Variants in NLGN1 observed in about 807,000 individuals in gnomAD.
The protein encoded by NLGN1 is neuroligin-1.
Under a neutral mutation model 65.5 loss-of-function variants are expected in NLGN1, and 12 were observed. The ratio of observed to expected loss-of-function variants is 0.18; its 90% CI spans 0.12 to 0.30. The LOEUF is 0.30. Among genes scored for constraint, NLGN1 ranks in the 10% least tolerant of loss-of-function variants. NLGN1 has a pLI of 1.00. For missense variants in NLGN1, 750 were observed against 1,007.1 expected (o/e 0.74, Z 3.46); for synonymous variants, 350 against 359.5 (o/e 0.97, Z 0.30).
chr3:173,996,492 C>G (rs923334810), intron 4 of NLGN1, among the ~76,000 whole-genome samples: 1 of 152,072 alleles, frequency 6.6e-6, no homozygotes, highest in African/African-American at 2.4e-5. Flanking sequence ...TTTGAGAAAC[C>G]ATTGCCTTAA....
intron 2 of NLGN1, among the ~76,000 whole-genome samples, chr3:173,479,894 TAA>T (rs1163889791): frequency 6.6e-6 from 1 of 152,124 alleles, no homozygotes; most frequent in Non-Finnish European, 1.5e-5. Flanking sequence ...TGTAGAGTTG[TAA>T]AGTAGAAAGA....
At chr3:173,965,944 A>G (rs1187746238) in intron 4 of NLGN1, among the ~76,000 whole-genome samples, 1 of 152,158 alleles carries the variant, frequency 6.6e-6, no homozygotes, top group African/African-American at 2.4e-5. Context: ...GTTTGTGTGT[A>G]CATTTTGTGG....
chr3:173,794,491 G>T (rs980526378), intron 3 of NLGN1, among the ~76,000 whole-genome samples: 5 of 152,106 alleles, frequency 3.3e-5, no homozygotes, highest in African/African-American at 1.2e-4. Context: ...AGTGGCACTT[G>T]TGTTCTCACC....
downstream of NLGN1, among the ~76,000 whole-genome samples, chr3:174,287,086 C>T (rs572896957): frequency 6.6e-6 from 1 of 151,504 alleles, no homozygotes; most frequent in Non-Finnish European, 1.5e-5. Context: ...TCTTAGAGAA[C>T]AAAATTAATA....
At chr3:174,206,547 C>G (rs1001044450) in intron 4 of NLGN1, among the ~76,000 whole-genome samples, 19 of 152,296 alleles carry the variant, frequency 1.2e-4, no homozygotes, top group African/African-American at 4.6e-4. Context: ...GGCCTGTGTC[C>G]TACACTCAGC....
At chr3:174,226,805 C>T (rs1179421961) in intron 4 of NLGN1, among the ~76,000 whole-genome samples, 21 of 152,102 alleles carry the variant, frequency 1.4e-4, no homozygotes, top group Non-Finnish European at 2.9e-4. Context: ...TCTCCCCATT[C>T]CTTGGGCTGC....
Position 174,279,505 on chromosome 3 carries a change from G to A in NLGN1, c.1504G>A (p.Asp502Asn). 1 of 1,613,104 alleles carries A rather than the reference G, an allele frequency of 6.2e-7. No individual in the cohort carries two copies. The highest frequency in any genetic ancestry group is 8.5e-7 in the Non-Finnish European group (1 of 1,179,506). Residue 502 changes from aspartate to asparagine, a missense_variant, in exon 6 of 7, where the codon GAT becomes AAT. Coordinates refer to ENST00000457714, the Ensembl canonical transcript of NLGN1. This position sits in a 1 kb window ranked among gnomAD's most constrained non-coding sequence, Gnocchi z 4.7. ...AACAGATCAGGTTCCAGCTTGGGCT[G>A]ATGCAGCCCACGGAGACGAGGTTCC...
chr3:174,254,262 C>T (rs1314452751), intron 4 of NLGN1, among the ~76,000 whole-genome samples: 1 of 144,436 alleles, frequency 6.9e-6, no homozygotes, highest in African/African-American at 2.6e-5. Flanking sequence ...AAACTTGTCT[C>T]TTAAAAAGTA....
intron 3 of NLGN1, among the ~76,000 whole-genome samples, chr3:173,652,879 G>A (rs1022840218): frequency 6.6e-6 from 1 of 152,142 alleles, no homozygotes; most frequent in African/African-American, 2.4e-5. Flanking sequence ...ATTCATGAAT[G>A]TGGGATATTT....
At chr3:174,113,318 T>C (rs979535066) in intron 4 of NLGN1, among the ~76,000 whole-genome samples, 1 of 151,922 alleles carries the variant, frequency 6.6e-6, no homozygotes, top group Non-Finnish European at 1.5e-5. Context: ...AACAATAACC[T>C]AACAGTGATT....
chr3:174,137,148 T>G (rs978829508), intron 4 of NLGN1, among the ~76,000 whole-genome samples: 8 of 152,106 alleles, frequency 5.3e-5, no homozygotes, highest in Admixed American at 1.3e-4. Flanking sequence ...ACATTCGCAG[T>G]TGAAACCACC....
intron 2 of NLGN1, among the ~76,000 whole-genome samples, chr3:173,467,598 G>A (rs1290383614): frequency 6.6e-6 from 1 of 151,980 alleles, no homozygotes; most frequent in Non-Finnish European, 1.5e-5. Context: ...CTTTATCATT[G>A]TTTTCAAACA....
chr3:173,851,013 G>A (rs1378476890), intron 4 of NLGN1, among the ~76,000 whole-genome samples: 1 of 152,010 alleles, frequency 6.6e-6, no homozygotes, highest in Non-Finnish European at 1.5e-5. Flanking sequence ...CCAAAGTGCT[G>A]GGATTACAGA....
chr3:173,940,511 C>T (rs1347059426), intron 4 of NLGN1, among the ~76,000 whole-genome samples: 1 of 152,128 alleles, frequency 6.6e-6, no homozygotes, highest in Non-Finnish European at 1.5e-5. Context: ...CTTTCAAAGC[C>T]TTTAATATTT....
intron 1 of NLGN1, among the ~76,000 whole-genome samples, chr3:173,419,640 T>C (rs926050082): frequency 6.6e-6 from 1 of 152,120 alleles, no homozygotes; most frequent in African/African-American, 2.4e-5. Flanking sequence ...TGTGCCTGGC[T>C]CTGTTGTCTG....
At chr3:173,443,607 TATTTA>T (rs1719630764) in intron 2 of NLGN1, among the ~76,000 whole-genome samples, 1 of 152,126 alleles carries the variant, frequency 6.6e-6, no homozygotes, top group Non-Finnish European at 1.5e-5. Flanking sequence ...AGACTTTTGG[TATTTA>T]ATTTTCAATT....
At chr3:174,167,097 T>C (rs1727638301) in intron 4 of NLGN1, among the ~76,000 whole-genome samples, 1 of 152,152 alleles carries the variant, frequency 6.6e-6, no homozygotes, top group Non-Finnish European at 1.5e-5. Flanking sequence ...AATGGGTCTT[T>C]TGAAGACAGA....
At position 173,857,371 on chromosome 3, in the gene NLGN1, C is replaced by T. The variant is rs73182621; in HGVS notation, c.646+49539C>T. Among the ~76,000 whole-genome samples the T allele has an allele frequency of 3.3e-3, 504 of 152,246 alleles. 4 individuals are homozygous for T. The highest frequency in any genetic ancestry group is 6.8e-3 in the Middle Eastern group (2 of 294). On this transcript the variant is annotated intron_variant, in intron 4 of 6. Transcript: ENST00000457714. The stretch of plus-strand genomic sequence containing the variant: ...TCTATGCTGTAAATATCCCCAGCTT[C>T]ATGGTTTGTACAGAGCCTTCTCAAC...
chr3:174,272,236 T>G (rs1485566169), intron 4 of NLGN1, among the ~76,000 whole-genome samples: 2 of 151,692 alleles, frequency 1.3e-5, no homozygotes, highest in Non-Finnish European at 3.0e-5. Context: ...AGTTGAGCAC[T>G]TCAATGTAAA....
Sources: gnomAD v4.1 joint callset for allele counts (sites outside exome capture counted in the v4.1 genomes callset) on GRCh38, gnomAD v4.1.1 for gene constraint, Gnocchi (gnomAD v3.1) non-coding constraint, MANE v1.5 for transcripts, NCBI Gene and HGNC (gene_info 2026-07-23, HGNC 2026-07-21) for gene names.